Variants in ZNF248 observed in about 807,000 individuals in gnomAD.
The protein encoded by ZNF248 is zinc finger protein 248.
Under a neutral mutation model 44.3 loss-of-function variants are expected in ZNF248, and 20 were observed. That is an observed-to-expected ratio of 0.45 (90% confidence interval 0.32 to 0.66). The LOEUF (loss-of-function observed/expected upper bound fraction) is 0.66, where lower values mean the gene tolerates loss of function less well. Ranked by LOEUF, ZNF248 falls within the 30% of genes least tolerant of loss-of-function variation. The pLI is 0.04. For missense variants in ZNF248, 654 were observed against 677.0 expected (o/e 0.97, Z 0.38); for synonymous variants, 224 against 229.0 (o/e 0.98, Z 0.20).
chr10:37,828,676 A>G (rs2054815863), downstream of ZNF248: 27 of 985,254 alleles, frequency 2.7e-5, no homozygotes, highest in Non-Finnish European at 3.3e-5. Context: ...TGCATTGAGC[A>G]GTCAAAAGCA....
intron 6 of ZNF248, among the ~76,000 whole-genome samples, chr10:37,798,355 G>A (rs11011372): frequency 0.11 from 16,530 of 152,062 alleles, 1,158 homozygotes; most frequent in Admixed American, 0.19. Context: ...AAAATGTTCT[G>A]GAATTCAGAT....
intron 6 of ZNF248, among the ~76,000 whole-genome samples, chr10:37,777,937 G>C (rs2046790541): frequency 6.6e-6 from 1 of 151,820 alleles, no homozygotes; most frequent in Non-Finnish European, 1.5e-5. Flanking sequence ...GTCTATCATT[G>C]TTGGACATTT....
intron 6 of ZNF248, among the ~76,000 whole-genome samples, chr10:37,790,328 C>A (rs2048354584): frequency 2.0e-5 from 3 of 150,966 alleles, no homozygotes. Flanking sequence ...TGCCTGTAAT[C>A]CAGCATTTTG....
At chr10:37,838,596 A>G (rs962516042) in intron 3 of ZNF248, among the ~76,000 whole-genome samples, 12 of 152,224 alleles carry the variant, frequency 7.9e-5, no homozygotes, top group African/African-American at 2.7e-4. Context: ...CGCAGTCTAC[A>G]TGCCCATCAG....
chr10:37,820,516 G>A, intron 6 of ZNF248: 1 of 1,601,782 alleles, frequency 6.2e-7, no homozygotes, highest in Non-Finnish European at 8.5e-7. Flanking sequence ...GTTGCGGTGA[G>A]GATCGTGCAA....
At chr10:37,834,437 T>C (rs2056658739) in intron 5 of ZNF248, among the ~76,000 whole-genome samples, 1 of 152,168 alleles carries the variant, frequency 6.6e-6, no homozygotes, top group South Asian at 2.1e-4. Flanking sequence ...TATGGGAATA[T>C]GTATTTAGGA....
chr10:37,853,198 G>A (rs906023806), intron 3 of ZNF248, among the ~76,000 whole-genome samples: 1 of 152,010 alleles, frequency 6.6e-6, no homozygotes, highest in Non-Finnish European at 1.5e-5. Flanking sequence ...ACCAACCCCT[G>A]CCAAAATACT....
chr10:37,839,607 CA>C (rs2057956130), intron 3 of ZNF248, among the ~76,000 whole-genome samples: 1 of 151,622 alleles, frequency 6.6e-6, no homozygotes, highest in South Asian at 2.1e-4. Flanking sequence ...TGGATGGGTT[CA>C]AAATCATATT....
At chr10:37,768,011 G>A in the ZNF248 span, among the ~76,000 whole-genome samples, 1 of 152,134 alleles carries the variant, frequency 6.6e-6, no homozygotes, top group African/African-American at 2.4e-5. Context: ...AACCAACACA[G>A]ATCAAAAGAG....
At chr10:37,811,677 A>G (rs1022680906) in intron 6 of ZNF248, among the ~76,000 whole-genome samples, 1 of 144,134 alleles carries the variant, frequency 6.9e-6, no homozygotes. Context: ...TCTACAAAAA[A>G]AAAAATATAT....
At chr10:37,765,501 A>C in the ZNF248 span, among the ~76,000 whole-genome samples, 1 of 152,256 alleles carries the variant, frequency 6.6e-6, no homozygotes, top group Non-Finnish European at 1.5e-5. Flanking sequence ...ATGACAATTC[A>C]GTTAAGTAAC....
rs1329734450 is a variant in ZNF248, at chr10:37,807,355, G to T, written c.330+25670C>A. Among the ~76,000 whole-genome samples the T allele has an allele frequency of 7.2e-5, 11 of 151,958 alleles. No individual in the cohort carries two copies. The East Asian group carries it at 1.9e-3, about 27-fold the overall frequency. ...GAAATCAGGAGGAGTGAAAGCAAGG[G>T]GTGCGAGACCTCCAATGTTGTTCTT... On this transcript the variant is annotated intron_variant, in intron 6 of 6. Transcript: ENST00000615949.
Position 37,828,771 on chromosome 10 carries a change from C to T in ZNF248, c.*2844G>A. 2 of 985,300 alleles carry T rather than the reference C, an allele frequency of 2.0e-6. No homozygotes were observed. The highest frequency in any genetic ancestry group is 2.4e-6 in the Non-Finnish European group (2 of 829,862). The allele number at this position is 985,300 out of a possible 1,614,324, so 61.0% of individuals were successfully genotyped here. On this transcript the variant is annotated 3_prime_UTR_variant, in exon 6 of 6. Coordinates refer to ENST00000395867, the MANE Select transcript of ZNF248 (RefSeq NM_021045.3). ...GTGAATTAATCAAACAGTGCAGGGA[C>T]AACTGGCTATTTATTTGGAAGAATA...
chr10:37,797,822 T>A (rs1165764546), intron 6 of ZNF248, among the ~76,000 whole-genome samples: 1 of 152,084 alleles, frequency 6.6e-6, no homozygotes, highest in South Asian at 2.1e-4. Context: ...ATTGGTGAGA[T>A]GTAGAGAAGT....
chr10:37,852,909 T>A (rs951142560), intron 3 of ZNF248, among the ~76,000 whole-genome samples: 1 of 151,888 alleles, frequency 6.6e-6, no homozygotes. Context: ...GTTGCCAGGC[T>A]GGAGTGCAGT....
chr10:37,819,892 T>G (rs2053174938), intron 6 of ZNF248: 1 of 776,252 alleles, frequency 1.3e-6, no homozygotes, highest in African/African-American at 1.7e-5. Context: ...CTTGATAAGA[T>G]TCTGAAAAGC....
chr10:37,759,593 T>C, the ZNF248 span, among the ~76,000 whole-genome samples: 1 of 152,136 alleles, frequency 6.6e-6, no homozygotes. Context: ...CACAGATAAC[T>C]ATGGTCAGAT....
chr10:37,834,933 C>T (rs2056801558), intron 5 of ZNF248, among the ~76,000 whole-genome samples: 1 of 152,186 alleles, frequency 6.6e-6, no homozygotes, highest in East Asian at 1.9e-4. Context: ...GTAGCAAGGG[C>T]TACACTATTA....
At chr10:37,774,076 G>C (rs1489269407), downstream of ZNF248, among the ~76,000 whole-genome samples, 2 of 151,982 alleles carry the variant, frequency 1.3e-5, no homozygotes, top group East Asian at 1.9e-4. Flanking sequence ...AGGGCTTAGG[G>C]CATGTTATTT....
Sources: gnomAD v4.1 joint callset for allele counts (sites outside exome capture counted in the v4.1 genomes callset) on GRCh38, gnomAD v4.1.1 for gene constraint, MANE v1.5 for transcripts, NCBI Gene and HGNC (gene_info 2026-07-23, HGNC 2026-07-21) for gene names.